PTPRA: variants seen among roughly 807,000 people sequenced by gnomAD.
PTPRA encodes receptor-type tyrosine-protein phosphatase alpha.
Under a neutral mutation model 104.8 loss-of-function variants are expected in PTPRA, and 25 were observed. The ratio of observed to expected loss-of-function variants is 0.24; its 90% CI spans 0.17 to 0.33. PTPRA has a LOEUF of 0.33. Ranked by LOEUF, PTPRA falls within the 10% of genes least tolerant of loss-of-function variation. The pLI is 1.00. For missense variants in PTPRA, 765 were observed against 1,015.3 expected, an observed-to-expected ratio of 0.75 and a Z score of 3.35; for synonymous variants, 323 against 368.9, an observed-to-expected ratio of 0.88 and a Z score of 1.43.
At chr20:2,909,604 C>T (rs1043309266) in intron 1 of PTPRA, among the ~76,000 whole-genome samples, 3 of 150,966 alleles carry the variant, frequency 2.0e-5, no homozygotes, top group South Asian at 4.2e-4. Context: ...ACAAAACAAA[C>T]GAAAACTACA....
intron 1 of PTPRA, among the ~76,000 whole-genome samples, chr20:2,914,098 A>G (rs2147261742): frequency 6.6e-6 from 1 of 152,226 alleles, no homozygotes; most frequent in Non-Finnish European, 1.5e-5. Context: ...TTTGATGCTG[A>G]GTTTGTCCCA....
intron 11 of PTPRA, among the ~76,000 whole-genome samples, chr20:3,010,486 G>A (rs548200734): frequency 3.3e-5 from 5 of 152,006 alleles, no homozygotes; most frequent in Non-Finnish European, 7.4e-5. Context: ...AAATTAGTCG[G>A]GCGTGGTGGC....
intron 1 of PTPRA, among the ~76,000 whole-genome samples, chr20:2,878,030 A>C (rs993463545): frequency 6.6e-6 from 1 of 152,108 alleles, no homozygotes; most frequent in African/African-American, 2.4e-5. Flanking sequence ...GCGTGCCTGT[A>C]ATCCCAGCTA....
At chr20:2,912,239 C>T (rs566785444) in intron 1 of PTPRA, among the ~76,000 whole-genome samples, 14 of 151,882 alleles carry the variant, frequency 9.2e-5, no homozygotes, top group Non-Finnish European at 1.8e-4. Context: ...AGAGTAAGAC[C>T]CTATCTCAAA....
chr20:3,035,500 G>A lies in PTPRA; in HGVS notation c.1921-85G>A, dbSNP rs1013208643. Reference sequence around the variant, plus strand: ...TATCAGCGTAAGAGGTGGCTGTACTGAGAGGGGTCAGGCTGCTCGTGGGCA... The same window carrying A: ...TATCAGCGTAAGAGGTGGCTGTACTAAGAGGGGTCAGGCTGCTCGTGGGCA... On this transcript the variant is annotated intron_variant, in intron 20 of 23. Transcript: ENST00000399903. This position sits in a 1 kb window ranked among gnomAD's most constrained non-coding sequence, Gnocchi z 5.8. The A allele has an allele frequency of 8.6e-5, 126 of 1,463,824 alleles. No homozygotes were observed. The highest frequency in any genetic ancestry group is 1.0e-4 in the Non-Finnish European group (108 of 1,062,604). 90.7% of individuals were successfully genotyped at this position (1,463,824 alleles called of 1,614,324 possible). A position where few individuals can be genotyped will look rare whatever the true frequency, so the allele number is the denominator to read the frequency against.
chr20:2,944,728 G>C (rs969975619), intron 2 of PTPRA, among the ~76,000 whole-genome samples: 2 of 152,174 alleles, frequency 1.3e-5, no homozygotes, highest in African/African-American at 2.4e-5. Context: ...TTTGCAAACA[G>C]TCTACCACAG....
chr20:2,996,733 A>G (rs919036365), intron 9 of PTPRA, among the ~76,000 whole-genome samples: 40 of 152,390 alleles, frequency 2.6e-4, no homozygotes, highest in Non-Finnish European at 5.4e-4. Context: ...AACTATATCT[A>G]GTAATCAGGG....
At chr20:3,026,411 CCCT>C (rs1355121293) in intron 17 of PTPRA, among the ~76,000 whole-genome samples, 1 of 152,126 alleles carries the variant, frequency 6.6e-6, no homozygotes, top group Non-Finnish European at 1.5e-5. Flanking sequence ...TGGACACACT[CCCT>C]CCTACGATGC....
Position 2,950,558 on chromosome 20 carries a change from G to A in PTPRA, c.-7+2534G>A, listed in dbSNP as rs560749974. On this transcript the variant is annotated intron_variant, in intron 3 of 23. Coordinates refer to ENST00000399903, the MANE Select transcript of PTPRA (RefSeq NM_001385305.1). The surrounding 1 kb of genome is among the most constrained non-coding windows in gnomAD (Gnocchi z 4.0). ...CTCAGAAGGCTGAGGCAGGAGAATG[G>A]CGTGAACCCAGGAGGCGGAGGTTGC... is the stretch of plus-strand genomic sequence containing the variant. Among the ~76,000 whole-genome samples the A allele has an allele frequency of 1.1e-4, 17 of 151,826 alleles. No homozygotes were observed. Among genetic ancestry groups the A allele is most frequent in the Non-Finnish European group, 1.5e-4 (10 of 67,954 alleles).
intron 1 of PTPRA, among the ~76,000 whole-genome samples, chr20:2,884,152 A>G (rs2090236955): frequency 6.6e-6 from 1 of 152,162 alleles, no homozygotes; most frequent in Non-Finnish European, 1.5e-5. Context: ...ATTGATGAAC[A>G]TTTATTTGTT....
At chr20:2,883,038 G>A (rs573567792) in intron 1 of PTPRA, among the ~76,000 whole-genome samples, 7 of 146,240 alleles carry the variant, frequency 4.8e-5, no homozygotes, top group South Asian at 2.2e-4. Context: ...AGGCTGGAGC[G>A]CAGTGGCATG....
chr20:2,944,717 C>G (rs1212411981), intron 2 of PTPRA, among the ~76,000 whole-genome samples: 1 of 152,184 alleles, frequency 6.6e-6, no homozygotes. Flanking sequence ...ACGTAGCCAT[C>G]TTTGCAAACA....
In PTPRA at chr20:3,024,623, T is replaced by C. The variant is rs770263209; in HGVS notation, c.1614+2T>C. On this transcript the variant is annotated splice_donor_variant, in intron 17 of 23. Coordinates refer to ENST00000399903, the MANE Select transcript of PTPRA (RefSeq NM_001385305.1). LOFTEE classifies it high-confidence loss of function. The stretch of plus-strand genomic sequence containing the variant: ...AATGGATTAGAGGAGGAGTTTAAGG[T>C]GAGTTGGAGCTGGATAACCTCCTTC... The C allele has an allele frequency of 6.8e-6, 11 of 1,614,068 alleles. 1 individual carries two copies. In the South Asian group the frequency reaches 9.9e-5, roughly 14 times the overall value.
chr20:2,898,670 C>G (rs1272448169), intron 1 of PTPRA, among the ~76,000 whole-genome samples: 1 of 151,874 alleles, frequency 6.6e-6, no homozygotes, highest in South Asian at 2.1e-4. Flanking sequence ...CCAGCCTGGC[C>G]AACATAGTGA....
intron 2 of PTPRA, among the ~76,000 whole-genome samples, chr20:2,924,666 T>C (rs973353218): frequency 3.9e-5 from 6 of 152,068 alleles, no homozygotes; most frequent in Non-Finnish European, 8.8e-5. Context: ...AGAGAGCCTC[T>C]GCAGCACCGA....
chr20:2,938,218 T>C (rs1239661468), intron 2 of PTPRA, among the ~76,000 whole-genome samples: 1 of 152,134 alleles, frequency 6.6e-6, no homozygotes, highest in East Asian at 1.9e-4. Flanking sequence ...GGAGTCTTGC[T>C]GTGTCACCCA....
rs758708963 is a variant in PTPRA at position 3,027,812 on chromosome 20, A to T, written c.1891A>T (p.Met631Leu). Reference sequence around the variant, plus strand: ...GGAGTGGAAATCCTGCTCTATCGTGATGCTAACAGAACTGGAGGAGAGAGG... The same window carrying T: ...GGAGTGGAAATCCTGCTCTATCGTGTTGCTAACAGAACTGGAGGAGAGAGG... ...IWEWKSCSIVMLTELEERGQE... is the reference protein window; with the variant it reads ...IWEWKSCSIVLLTELEERGQE... Residue 631 changes from methionine to leucine, a missense_variant, in exon 20 of 24, where the codon ATG becomes TTG. By Grantham distance (15) the Met-to-Leu change is conservative (BLOSUM62 2). This residue lies in a region of PTPRA where 192 missense variants were observed against 227.0 expected (regional missense o/e 0.85). Coordinates refer to ENST00000399903, the MANE Select transcript of PTPRA (RefSeq NM_001385305.1). 6.2e-7 allele frequency: 1 copy of T among 1,614,164 alleles called. No homozygotes were observed. Among genetic ancestry groups the T allele is most frequent in the East Asian group, 2.2e-5 (1 of 44,880 alleles).
At chr20:3,021,993 C>A in intron 14 of PTPRA, 61 bp from the exon 15 acceptor site, 2 of 1,592,406 alleles carry the variant, frequency 1.3e-6, no homozygotes, top group Non-Finnish European at 1.7e-6. Flanking sequence ...CACCTTCCCT[C>A]CCCTGGTACT....
chr20:3,019,615 T>G (rs1477346251), intron 13 of PTPRA, among the ~76,000 whole-genome samples: 2 of 132,018 alleles, frequency 1.5e-5, no homozygotes, highest in Non-Finnish European at 3.3e-5. Context: ...GAGGGGCTCC[T>G]CACATCCCAG....
Sources: allele counts gnomAD v4.1 joint callset (sites outside exome capture counted in the v4.1 genomes callset), GRCh38; gene constraint gnomAD v4.1.1; regional missense constraint gnomAD v4.1.1; non-coding constraint Gnocchi (gnomAD v3.1); transcripts MANE v1.5; gene names NCBI Gene and HGNC (gene_info 2026-07-23, HGNC 2026-07-21).